The following NRG1 variants were observed in gnomAD, a reference collection of about 807,000 sequenced individuals.
NRG1 encodes pro-neuregulin-1, membrane-bound isoform.
Under a neutral mutation model 63.8 loss-of-function variants are expected in NRG1, and 18 were observed. The observed-to-expected ratio is 0.28, with a 90% CI of 0.19 to 0.42. The LOEUF is 0.42. Among genes scored for constraint, NRG1 ranks in the 10% least tolerant of loss-of-function variants. The pLI is 1.00. For synonymous variants in NRG1, 302 were observed against 301.3 expected, an observed-to-expected ratio of 1.00 and a Z score of -0.02; for missense variants, 762 against 814.7, an observed-to-expected ratio of 0.94 and a Z score of 0.79.
chr8:32,514,177 C>T (rs1829542236), intron 1 of NRG1, among the ~76,000 whole-genome samples: 1 of 152,146 alleles, frequency 6.6e-6, no homozygotes, highest in African/African-American at 2.4e-5. Context: ...GTAAACTTAG[C>T]TGCTGCTGTA....
intron 6 of NRG1, among the ~76,000 whole-genome samples, chr8:32,734,798 A>G (rs960727189): frequency 6.6e-6 from 1 of 152,184 alleles, no homozygotes; most frequent in Non-Finnish European, 1.5e-5. Context: ...AATCAGGTGC[A>G]TTGTCTAAGT....
intron 1 of NRG1, among the ~76,000 whole-genome samples, chr8:31,655,090 A>C (rs889737045): frequency 6.6e-6 from 1 of 152,166 alleles, no homozygotes; most frequent in Admixed American, 6.5e-5. Flanking sequence ...TCCCAGATAA[A>C]TTACAGGAAT....
At chr8:32,541,546 C>T (rs568748253) in intron 1 of NRG1, among the ~76,000 whole-genome samples, 11 of 151,412 alleles carry the variant, frequency 7.3e-5, no homozygotes, top group East Asian at 1.9e-4. Context: ...ATTACTCTCG[C>T]TGTTCAAATA....
chr8:31,984,959 C>T (rs13255716), intron 1 of NRG1, among the ~76,000 whole-genome samples: 85,862 of 151,968 alleles, frequency 0.57, 26,517 homozygotes, highest in South Asian at 0.73. Flanking sequence ...TATTTCTTAC[C>T]TTCTTCTCTA....
intron 1 of NRG1, among the ~76,000 whole-genome samples, chr8:31,859,696 T>G (rs1316504754): frequency 6.6e-6 from 1 of 152,254 alleles, no homozygotes; most frequent in Non-Finnish European, 1.5e-5. Flanking sequence ...TTGTATGTTT[T>G]GCTACAAAAG....
At chr8:31,949,878 C>T (rs978987099) in intron 1 of NRG1, among the ~76,000 whole-genome samples, 8 of 152,192 alleles carry the variant, frequency 5.3e-5, no homozygotes, top group African/African-American at 1.9e-4. Context: ...TTCCTCCAGT[C>T]TTGTCCATCA....
intron 1 of NRG1, among the ~76,000 whole-genome samples, chr8:31,734,766 C>T (rs1349661620): frequency 2.6e-5 from 4 of 152,202 alleles, no homozygotes; most frequent in Non-Finnish European, 5.9e-5. Flanking sequence ...CCAGATGCTG[C>T]ACCAGGACTG....
chr8:32,092,239 G>T (rs557839418), intron 1 of NRG1, among the ~76,000 whole-genome samples: 15 of 151,890 alleles, frequency 9.9e-5, no homozygotes, highest in African/African-American at 3.4e-4. Context: ...CAAGAGGATC[G>T]CTTGAGCCCA....
chr8:32,045,011 C>T (rs1185202995), intron 1 of NRG1, among the ~76,000 whole-genome samples: 1 of 136,614 alleles, frequency 7.3e-6, no homozygotes, highest in Non-Finnish European at 1.6e-5. Context: ...AACAGTAGAA[C>T]AAATTAATGA....
chr8:31,805,642 C>A (rs1221102779), intron 1 of NRG1, among the ~76,000 whole-genome samples: 1 of 151,890 alleles, frequency 6.6e-6, no homozygotes, highest in Admixed American at 6.6e-5. Flanking sequence ...TCCTGGCTTA[C>A]ACGGTGAAAC....
At chr8:32,574,055 T>C (rs1332687958) in intron 1 of NRG1, among the ~76,000 whole-genome samples, 4 of 152,214 alleles carry the variant, frequency 2.6e-5, no homozygotes, top group Non-Finnish European at 4.4e-5. Flanking sequence ...TCTATCATTG[T>C]TGGACATTTG....
At chr8:32,259,304 C>T (rs1850098819) in intron 1 of NRG1, among the ~76,000 whole-genome samples, 1 of 152,170 alleles carries the variant, frequency 6.6e-6, no homozygotes, top group Non-Finnish European at 1.5e-5. Context: ...AGGGCTCTGC[C>T]TTCATAAATA....
chr8:32,595,749 C>G, intron 1 of NRG1, 79 bp from the exon 2 acceptor site: 1 of 1,371,588 alleles, frequency 7.3e-7, no homozygotes. Flanking sequence ...CTTGATCAGG[C>G]TAACTCCAGA....
exon 6 of NRG1, chr8:32,728,053 T>C (rs1283496484): frequency 6.2e-7 from 1 of 1,614,078 alleles, no homozygotes. Flanking sequence ...GAAAGACCTT[T>C]CAAACCCCTC....
At chr8:32,532,313 T>C (rs928468297) in intron 1 of NRG1, among the ~76,000 whole-genome samples, 3 of 152,210 alleles carry the variant, frequency 2.0e-5, no homozygotes, top group Non-Finnish European at 1.5e-5. Context: ...ACTGTCTGCC[T>C]GATTAAAGCT....
intron 1 of NRG1, among the ~76,000 whole-genome samples, chr8:32,528,381 T>C (rs1036282551): frequency 3.3e-5 from 5 of 152,352 alleles, no homozygotes; most frequent in Admixed American, 6.5e-5. Flanking sequence ...GTGTTGGATA[T>C]GTGCACCAGT....
At chr8:32,693,649 T>C (rs1488897812) in intron 5 of NRG1, among the ~76,000 whole-genome samples, 1 of 152,018 alleles carries the variant, frequency 6.6e-6, no homozygotes, top group Non-Finnish European at 1.5e-5. Context: ...CCAGTCTCTA[T>C]TTCAGAAATC....
chr8:31,897,347 A>T (rs1445443198), intron 1 of NRG1, among the ~76,000 whole-genome samples: 1 of 152,144 alleles, frequency 6.6e-6, no homozygotes, highest in Admixed American at 6.5e-5. Context: ...TAGCAATAAG[A>T]TACCACATTC....
At chr8:32,587,487 G>A (rs569873842) in intron 1 of NRG1, among the ~76,000 whole-genome samples, 38 of 152,082 alleles carry the variant, frequency 2.5e-4, no homozygotes, top group Non-Finnish European at 4.9e-4. Flanking sequence ...TTTTGTTAGT[G>A]TCTGATGGCA....
Sources: allele counts gnomAD v4.1 joint callset (sites outside exome capture counted in the v4.1 genomes callset), GRCh38; gene constraint gnomAD v4.1.1; transcripts MANE v1.5; gene names NCBI Gene and HGNC (gene_info 2026-07-23, HGNC 2026-07-21).